Variants in METTL15 observed in about 807,000 individuals in gnomAD.
METTL15 encodes methyltransferase 15, mitochondrial 12S rRNA N4-cytidine.
Under a neutral mutation model 38.3 loss-of-function variants are expected in METTL15, and 34 were observed. The observed-to-expected ratio is 0.89, with a 90% CI of 0.68 to 1.18. METTL15 has a LOEUF of 1.18. Ranked by LOEUF, METTL15 falls within the 50% of genes most tolerant of loss-of-function variation. METTL15 has a pLI of 0.00. For missense variants in METTL15, 438 were observed against 498.4 expected (o/e 0.88, Z 1.15); for synonymous variants, 162 against 170.9 (o/e 0.95, Z 0.41).
intron 5 of METTL15, among the ~76,000 whole-genome samples, chr11:28,408,461 A>T (rs1054132849): frequency 6.6e-6 from 1 of 152,068 alleles, no homozygotes; most frequent in Non-Finnish European, 1.5e-5. Context: ...CACAACCTTC[A>T]CTCCACCATT....
chr11:28,340,811 C>G (rs1849945021), intron 3 of METTL15, among the ~76,000 whole-genome samples: 1 of 152,140 alleles, frequency 6.6e-6, no homozygotes, highest in Non-Finnish European at 1.5e-5. Context: ...CCCAGCAATC[C>G]CATCACTAGG....
At chr11:28,180,834 A>G (rs942124534) in intron 3 of METTL15, among the ~76,000 whole-genome samples, 2 of 151,812 alleles carry the variant, frequency 1.3e-5, no homozygotes, top group East Asian at 1.9e-4. Context: ...TAGGACTTAA[A>G]TAAGAAAAAT....
intron 4 of METTL15, among the ~76,000 whole-genome samples, chr11:28,217,316 T>A (rs1852933831): frequency 6.6e-6 from 1 of 152,260 alleles, no homozygotes; most frequent in African/African-American, 2.4e-5. Flanking sequence ...TGGCCAGTGA[T>A]GATGAGCATT....
intron 3 of METTL15, among the ~76,000 whole-genome samples, chr11:28,160,786 C>A (rs937175719): frequency 6.6e-6 from 1 of 151,912 alleles, no homozygotes; most frequent in East Asian, 1.9e-4. Context: ...TACTATATAA[C>A]CATAATAATA....
intron 6 of METTL15, 98 bp from the exon 7 acceptor site, chr11:28,330,298 C>A: frequency 9.2e-7 from 1 of 1,087,990 alleles, no homozygotes; most frequent in South Asian, 1.9e-5. Context: ...AAACTTAGTT[C>A]ACTAAATATG....
intron 3 of METTL15, among the ~76,000 whole-genome samples, chr11:28,346,622 CA>C (rs1209710892): frequency 4.6e-5 from 7 of 152,108 alleles, no homozygotes; most frequent in Non-Finnish European, 8.8e-5. Context: ...ATCAGAATCA[CA>C]AGAAAATTTG....
downstream of METTL15, among the ~76,000 whole-genome samples, chr11:28,527,436 AT>A (rs961574290): frequency 3.3e-5 from 5 of 152,206 alleles, no homozygotes; most frequent in Admixed American, 3.3e-4. Flanking sequence ...TTCATTTATA[AT>A]TTAATAAATA....
intron 4 of METTL15, among the ~76,000 whole-genome samples, chr11:28,356,768 T>G (rs1208094549): frequency 1.3e-5 from 2 of 152,208 alleles, no homozygotes; most frequent in Non-Finnish European, 2.9e-5. Flanking sequence ...CTGAAATTAT[T>G]TCACAGGTTA....
At chr11:28,414,271 C>G (rs1031928568) in intron 5 of METTL15, among the ~76,000 whole-genome samples, 1 of 152,048 alleles carries the variant, frequency 6.6e-6, no homozygotes, top group South Asian at 2.1e-4. Context: ...AGGAAACATA[C>G]AGGGGAAGCA....
At chr11:28,187,014 G>T (rs1359787320) in intron 3 of METTL15, among the ~76,000 whole-genome samples, 1 of 150,930 alleles carries the variant, frequency 6.6e-6, no homozygotes, top group East Asian at 1.9e-4. Flanking sequence ...AAATATAAAA[G>T]CAATGTTTTT....
At chr11:28,514,203 G>C (rs1851700477) in intron 6 of METTL15, among the ~76,000 whole-genome samples, 2 of 152,170 alleles carry the variant, frequency 1.3e-5, no homozygotes, top group Non-Finnish European at 2.9e-5. Flanking sequence ...ATTGTTTCGG[G>C]GATGGGCAGA....
At chr11:28,220,880 A>T (rs1802562907) in intron 4 of METTL15, among the ~76,000 whole-genome samples, 1 of 152,164 alleles carries the variant, frequency 6.6e-6, no homozygotes, top group Non-Finnish European at 1.5e-5. Context: ...AAGAATGTTG[A>T]ATATTGGCCC....
chr11:28,238,511 C>A (rs999700668), intron 4 of METTL15, among the ~76,000 whole-genome samples: 1 of 152,196 alleles, frequency 6.6e-6, no homozygotes, highest in African/African-American at 2.4e-5. Flanking sequence ...CCATCTGTCA[C>A]CCCTTTCCTT....
chr11:28,366,985 G>A (rs1454826765), intron 5 of METTL15, among the ~76,000 whole-genome samples: 1 of 152,198 alleles, frequency 6.6e-6, no homozygotes, highest in Non-Finnish European at 1.5e-5. Context: ...TTTTACCCAT[G>A]ATAACCCTTC....
intron 6 of METTL15, among the ~76,000 whole-genome samples, chr11:28,481,814 A>G (rs910807648): frequency 6.6e-6 from 1 of 152,108 alleles, no homozygotes; most frequent in Non-Finnish European, 1.5e-5. Context: ...GGGCTCAAAT[A>G]CCACTTTGGG....
At chr11:28,402,952 G>A (rs1408184127) in intron 5 of METTL15, among the ~76,000 whole-genome samples, 1 of 151,898 alleles carries the variant, frequency 6.6e-6, no homozygotes, top group Non-Finnish European at 1.5e-5. Context: ...CTGTTTCTGA[G>A]TTATTTCACT....
chr11:28,314,536 G>T (rs904489197), intron 6 of METTL15, among the ~76,000 whole-genome samples: 7 of 152,178 alleles, frequency 4.6e-5, no homozygotes, highest in Non-Finnish European at 1.0e-4. Context: ...AGAACCTCCT[G>T]CTTAGACTTC....
At chr11:28,322,897 T>G (rs981985425) in intron 6 of METTL15, among the ~76,000 whole-genome samples, 10 of 152,224 alleles carry the variant, frequency 6.6e-5, no homozygotes, top group Non-Finnish European at 1.5e-4. Context: ...TGGCTGGTAC[T>G]TGACACTACA....
At chr11:28,389,669 G>A (rs1249463806) in intron 5 of METTL15, among the ~76,000 whole-genome samples, 1 of 151,620 alleles carries the variant, frequency 6.6e-6, no homozygotes, top group Admixed American at 6.6e-5. Context: ...CTTTGCTATT[G>A]TGAATAGTGC....
Sources: allele counts gnomAD v4.1 joint callset (sites outside exome capture counted in the v4.1 genomes callset), GRCh38; gene constraint gnomAD v4.1.1; transcripts MANE v1.5; gene names NCBI Gene and HGNC (gene_info 2026-07-23, HGNC 2026-07-21).